The following ADGRF1 variants were observed in gnomAD, a reference collection of about 807,000 sequenced individuals.
ADGRF1 encodes adhesion G protein-coupled receptor F1.
ADGRF1 carries 85 observed loss-of-function variants against 87.2 expected under a neutral mutation model. The ratio of observed to expected loss-of-function variants is 0.97; its 90% CI spans 0.82 to 1.17. The LOEUF is 1.17. Ranked by LOEUF, ADGRF1 falls within the 50% of genes most tolerant of loss-of-function variation. The pLI is 0.00. For missense variants in ADGRF1, 1,169 were observed against 1,077.2 expected (o/e 1.09, Z -1.19); for synonymous variants, 430 against 408.8 (o/e 1.05, Z -0.63).
chr6:47,034,914 C>T (rs1295830392), intron 1 of ADGRF1, among the ~76,000 whole-genome samples: 1 of 152,258 alleles, frequency 6.6e-6, no homozygotes, highest in African/African-American at 2.4e-5. Context: ...TCTCCTGCTG[C>T]TGGTGCCTTC....
Position 47,016,633 on chromosome 6 carries a change from G to T in ADGRF1, c.747C>A (p.Phe249Leu). The T allele has an allele frequency of 6.2e-7, 1 of 1,608,466 alleles. No homozygotes were observed. The highest frequency in any genetic ancestry group is 8.5e-7 in the Non-Finnish European group (1 of 1,176,058). ...CAGCATTACCTTTTCCGAACACTCTGAAAGAGCCGTCTTCTAATGGAAACA... is the reference window on the plus strand; with the variant it reads ...CAGCATTACCTTTTCCGAACACTCTTAAAGAGCCGTCTTCTAATGGAAACA... Reference protein sequence around the residue: ...HKLFPLEDGSFRVFGKAQCND... With the variant: ...HKLFPLEDGSLRVFGKAQCND... The change falls in exon 8 of 15, where the codon TTC (phenylalanine) becomes TTA (leucine). Residue 249 changes from phenylalanine (F) to leucine (L), a missense_variant. Phe to Leu is a conservative substitution (Grantham distance 22). Coordinates refer to ENST00000371253, the MANE Select transcript of ADGRF1 (RefSeq NM_153840.4).
intron 5 of ADGRF1, among the ~76,000 whole-genome samples, chr6:47,023,484 C>T (rs1250973168): frequency 1.3e-5 from 2 of 152,166 alleles, no homozygotes; most frequent in Non-Finnish European, 2.9e-5. Context: ...GCTCATCTCA[C>T]CTTTCATTGA....
rs1178706719 is a variant in ADGRF1, at chr6:46,998,161, A to C, written c.*2061T>G. 1 of 152,158 alleles carries C rather than the reference A, an allele frequency of 6.6e-6. No individual in the cohort carries two copies. The highest frequency in any genetic ancestry group is 1.9e-4 in the East Asian group (1 of 5,182). The allele number at this position is 152,158 out of a possible 1,614,324, so 9.4% of individuals were successfully genotyped here. On this transcript the variant is annotated 3_prime_UTR_variant, in exon 15 of 15. Coordinates refer to ENST00000371253, the MANE Select transcript of ADGRF1 (RefSeq NM_153840.4). Reference sequence around the variant, plus strand: ...TCCCTTTCCCCAAGGTCCCCAAAAAAAGAAATCTGTCTTATGAGATAGGGC... The same window carrying C: ...TCCCTTTCCCCAAGGTCCCCAAAAACAGAAATCTGTCTTATGAGATAGGGC...
In ADGRF1 at chr6:47,009,481, T is replaced by A; in HGVS notation, c.1954A>T (p.Asn652Tyr). The change falls in exon 11 of 15, where the codon AAC (asparagine) becomes TAC (tyrosine). Residue 652 changes from asparagine to tyrosine, a missense_variant. Physicochemically the swap from Asn to Tyr is moderately radical, Grantham distance 143. Transcript: ENST00000371253. Reference sequence around the variant, plus strand: ...GCAGCTGTGCAGACTCCAGAAGGGTTCACCGTGGTGTCCACTGTGGCACCA... The same window carrying A: ...GCAGCTGTGCAGACTCCAGAAGGGTACACCGTGGTGTCCACTGTGGCACCA... Reference protein sequence around the residue: ...IVGATVDTTVNPSGVCTAAVF... With the variant: ...IVGATVDTTVYPSGVCTAAVF... 6.2e-7 allele frequency: 1 copy of A among 1,613,938 alleles called. No individual in the cohort carries two copies. The highest frequency in any genetic ancestry group is 1.3e-5 in the African/African-American group (1 of 75,050).
intron 7 of ADGRF1, chr6:47,019,361 A>G: frequency 1.0e-6 from 1 of 985,342 alleles, no homozygotes; most frequent in Non-Finnish European, 1.2e-6. Context: ...GCCCAGAACA[A>G]CATGTTTATA....
intron 1 of ADGRF1, among the ~76,000 whole-genome samples, chr6:47,038,638 G>A (rs1052631795): frequency 6.6e-6 from 1 of 152,022 alleles, no homozygotes; most frequent in African/African-American, 2.4e-5. Context: ...ATATATTATT[G>A]TTAAGTATAA....
At chr6:47,035,565 G>A (rs1780564889) in intron 1 of ADGRF1, among the ~76,000 whole-genome samples, 1 of 152,026 alleles carries the variant, frequency 6.6e-6, no homozygotes, top group Non-Finnish European at 1.5e-5. Context: ...TTTCACAATT[G>A]CAGAAAATGA....
chr6:47,026,756 C>T (rs1780247542), intron 3 of ADGRF1, among the ~76,000 whole-genome samples: 1 of 152,200 alleles, frequency 6.6e-6, no homozygotes, highest in South Asian at 2.1e-4. Flanking sequence ...TGACATCTCA[C>T]ACCATTGCAC....
chr6:47,018,320 A>G (rs1481371006), intron 7 of ADGRF1: 7 of 1,105,970 alleles, frequency 6.3e-6, no homozygotes, highest in Middle Eastern at 4.1e-4. Context: ...TTCCCATTTT[A>G]TAGATAAGAG....
At chr6:47,007,728 T>C (rs1779573392) in intron 11 of ADGRF1, among the ~76,000 whole-genome samples, 1 of 152,240 alleles carries the variant, frequency 6.6e-6, no homozygotes, top group Non-Finnish European at 1.5e-5. Flanking sequence ...CACCCTTTCC[T>C]TCCAGTGCAG....
intron 7 of ADGRF1, chr6:47,017,411 C>CAGG (rs1474276490): frequency 1.4e-4 from 21 of 152,324 alleles, no homozygotes; most frequent in Admixed American, 1.3e-3. Context: ...ACAGGGAACT[C>CAGG]AGTTAGGAAA....
chr6:47,009,981 A>G lies in ADGRF1; in HGVS notation c.1454T>C (p.Leu485Ser). ...AACGGGTAGAATGTTCCCCAGAGTC[A>G]ACGAGGCCATGCTGATAATAGTTTC... ...LPETIISMAS[L>S]TLGNILPVSK... Residue 485 changes from leucine to serine, a missense_variant, in exon 11 of 15, where the codon TTG becomes TCG. By Grantham distance (145) the Leu-to-Ser change is moderately radical. Transcript: ENST00000371253. 2 of 1,614,198 alleles carry G rather than the reference A, an allele frequency of 1.2e-6. No homozygotes were observed. The highest frequency in any genetic ancestry group is 1.6e-4 in the Middle Eastern group (1 of 6,062).
At position 47,014,689 on chromosome 6, in the gene ADGRF1, G is replaced by T; in HGVS notation, c.919C>A (p.Leu307Met). Reference sequence around the variant, plus strand: ...CAGTGAAAATGCCTCACCTTGTTCAGTTCTTCAAGCAGAGAGAGCACACAA... The same window carrying T: ...CAGTGAAAATGCCTCACCTTGTTCATTTCTTCAAGCAGAGAGAGCACACAA... ...ETCVLSLLEE[L>M]NKNFSMIVGN... The change falls in exon 9 of 15, where the codon CTG (leucine) becomes ATG (methionine). Residue 307 changes from leucine (L) to methionine (M), a missense_variant. Transcript: ENST00000371253. 6.2e-7 allele frequency: 1 copy of T among 1,613,330 alleles called. No homozygotes were observed. The highest frequency in any genetic ancestry group is 8.5e-7 in the Non-Finnish European group (1 of 1,179,800).
Position 47,014,739 on chromosome 6 carries a change from G to C in ADGRF1, c.869C>G (p.Ser290Cys). The C allele has an allele frequency of 1.9e-6, 3 of 1,613,904 alleles. No homozygotes were observed. The highest frequency in any genetic ancestry group is 2.5e-6 in the Non-Finnish European group (3 of 1,179,980). Reference sequence around the variant, plus strand: ...AGTCTCCCTGATGACCTGCCACCCAGAGGACTCACACTTGGCTGTGATGTT... The same window carrying C: ...AGTCTCCCTGATGACCTGCCACCCACAGGACTCACACTTGGCTGTGATGTT... ...RGNITAKCES[S>C]GWQVIRETCV... is the part of the protein sequence containing the mutation. Residue 290 changes from serine (S) to cysteine (C), a missense_variant, in exon 9 of 15, where the codon TCT becomes TGT. Ser to Cys is a moderately radical substitution (Grantham distance 112). Coordinates refer to ENST00000371253, the MANE Select transcript of ADGRF1 (RefSeq NM_153840.4).
rs376503472 is a variant in ADGRF1 at position 47,014,762 on chromosome 6, G to A, written c.846C>T (p.Asn282=). The A allele has an allele frequency of 4.2e-4, 679 of 1,613,978 alleles. 8 individuals carry two copies. The South Asian group carries it at 6.7e-3, about 16-fold the overall frequency. Residue 282 remains asparagine (N), a synonymous_variant, in exon 9 of 15, where the codon AAC becomes AAT. Coordinates refer to ENST00000371253, the MANE Select transcript of ADGRF1 (RefSeq NM_153840.4). ...CAGAGGACTCACACTTGGCTGTGAT[G>A]TTTCCCCTGTAGCCACTGCTGCAGG... ...TLPCSSGYRG[N]ITAKCESSGW... is the part of the protein sequence containing the mutation.
At chr6:47,001,073 C>T (rs915830764) in intron 14 of ADGRF1, among the ~76,000 whole-genome samples, 1 of 152,226 alleles carries the variant, frequency 6.6e-6, no homozygotes, top group Non-Finnish European at 1.5e-5. Context: ...TGCCCAGGGG[C>T]ATTTTAGGGA....
chr6:47,041,855 G>A (rs1259649821), intron 1 of ADGRF1, among the ~76,000 whole-genome samples: 1 of 152,114 alleles, frequency 6.6e-6, no homozygotes, highest in Non-Finnish European at 1.5e-5. Flanking sequence ...AGTATCTTTG[G>A]TGGAGCCCTT....
chr6:47,018,659 C>A (rs1011391190), intron 7 of ADGRF1: 66 of 1,251,514 alleles, frequency 5.3e-5, no homozygotes, highest in Non-Finnish European at 6.9e-5. Context: ...TGCCTGTAAT[C>A]CCAGCACTTT....
chr6:47,019,241 T>C (rs1779967113), intron 7 of ADGRF1: 2 of 911,246 alleles, frequency 2.2e-6, no homozygotes, highest in Non-Finnish European at 2.6e-6. Context: ...AAGAAAAATA[T>C]GAATATTGAA....
Sources: allele counts gnomAD v4.1 joint callset (sites outside exome capture counted in the v4.1 genomes callset), GRCh38; gene constraint gnomAD v4.1.1; transcripts MANE v1.5; gene names NCBI Gene and HGNC (gene_info 2026-07-23, HGNC 2026-07-21).